PMP22: variants seen among roughly 807,000 people sequenced by gnomAD.
PMP22 encodes Charcot-Marie-Tooth neuropathy 1A (greatly reduced nerve conduction velocity, hereditary motor sensory neuropathy Ia).
PMP22 carries 2 observed loss-of-function variants against 18.9 expected under a neutral mutation model. The observed-to-expected ratio is 0.11, with a 90% CI of 0.04 to 0.33. PMP22 has a LOEUF of 0.33. Among genes scored for constraint, PMP22 ranks in the 10% least tolerant of loss-of-function variants. The pLI is 1.00. For synonymous variants in PMP22, 95 were observed against 89.2 expected (o/e 1.07, Z -0.37); for missense variants, 169 against 202.2 (o/e 0.84, Z 1.00).
At chr17:15,243,371 C>A (rs910135524) in intron 3 of PMP22, among the ~76,000 whole-genome samples, 9 of 151,858 alleles carry the variant, frequency 5.9e-5, no homozygotes, top group African/African-American at 1.9e-4. Context: ...TCTACAAATT[C>A]AATGCTGTCC....
intron 4 of PMP22, among the ~76,000 whole-genome samples, chr17:15,234,217 C>T (rs1044394331): frequency 3.3e-5 from 5 of 152,192 alleles, no homozygotes; most frequent in African/African-American, 1.2e-4. Flanking sequence ...GCATGACCGC[C>T]TGGTGTGTTC....
At chr17:15,264,869 T>A (rs571802218) in intron 1 of PMP22, among the ~76,000 whole-genome samples, 19 of 152,280 alleles carry the variant, frequency 1.2e-4, no homozygotes, top group Admixed American at 1.1e-3. Context: ...ACAGCTATTT[T>A]CCATGGGGGA....
At chr17:15,241,299 G>C (rs1419601378) in intron 3 of PMP22, among the ~76,000 whole-genome samples, 1 of 152,126 alleles carries the variant, frequency 6.6e-6, no homozygotes, top group Non-Finnish European at 1.5e-5. Context: ...GGTTCTTCTG[G>C]AGGAGCACTT....
intron 3 of PMP22, among the ~76,000 whole-genome samples, chr17:15,250,554 G>A (rs758842750): frequency 3.9e-5 from 6 of 151,956 alleles, no homozygotes; most frequent in Non-Finnish European, 8.8e-5. Context: ...ACACCTTCCC[G>A]CAAATCTTCT....
At chr17:15,262,462 T>TG (rs2150713198) in intron 1 of PMP22, 1 of 152,352 alleles carries the variant, frequency 6.6e-6, no homozygotes, top group Admixed American at 6.5e-5. Context: ...ATCCTCAGGG[T>TG]GGCCTCAAAC....
At chr17:15,246,019 CAAAAAAA>C (rs58149809) in intron 3 of PMP22, among the ~76,000 whole-genome samples, 4 of 129,118 alleles carry the variant, frequency 3.1e-5, no homozygotes, top group African/African-American at 1.2e-4. Flanking sequence ...AGACTCGTCT[CAAAAAAA>C]AAAAAAAGAA....
intron 4 of PMP22, among the ~76,000 whole-genome samples, chr17:15,236,396 G>A (rs947524360): frequency 4.3e-4 from 66 of 151,978 alleles, no homozygotes; most frequent in African/African-American, 1.5e-3. Context: ...TCACAGCTGG[G>A]CCCACCAAGA....
chr17:15,240,293 C>T (rs895630258), intron 3 of PMP22, among the ~76,000 whole-genome samples: 3 of 151,802 alleles, frequency 2.0e-5, no homozygotes, highest in South Asian at 2.1e-4. Context: ...GTAAAGATCA[C>T]GGGAATGGCT....
At chr17:15,260,053 G>A (rs1909181099) in intron 2 of PMP22, among the ~76,000 whole-genome samples, 1 of 152,118 alleles carries the variant, frequency 6.6e-6, no homozygotes, top group Non-Finnish European at 1.5e-5. Context: ...CTGAATGTCT[G>A]CTCATCTTCA....
intron 4 of PMP22, among the ~76,000 whole-genome samples, chr17:15,234,801 C>T (rs1906650524): frequency 6.6e-6 from 1 of 151,464 alleles, no homozygotes; most frequent in Non-Finnish European, 1.5e-5. Flanking sequence ...TTAATCCCCC[C>T]CCACCAAATT....
intron 4 of PMP22, among the ~76,000 whole-genome samples, chr17:15,234,242 G>A (rs1339845455): frequency 6.6e-6 from 1 of 152,202 alleles, no homozygotes; most frequent in Non-Finnish European, 1.5e-5. Context: ...AGGCAAGTGG[G>A]AACACAGCGA....
At chr17:15,234,017 G>GGT (rs1271367486) in intron 4 of PMP22, among the ~76,000 whole-genome samples, 6 of 152,192 alleles carry the variant, frequency 3.9e-5, no homozygotes, top group African/African-American at 1.2e-4. Context: ...CTCTGGCCAT[G>GGT]GTGCAGAAAA....
Position 15,240,601 on chromosome 17 carries a change from C to T in PMP22, c.179-990G>A, listed in dbSNP as rs116467015. Reference sequence around the variant, plus strand: ...CCTATGGTTTCTTCAGTTCACCATCCGCTGCAAACTCATGTCATTTCAGGG... The same window carrying T: ...CCTATGGTTTCTTCAGTTCACCATCTGCTGCAAACTCATGTCATTTCAGGG... On this transcript the variant is annotated intron_variant, in intron 3 of 4. Coordinates refer to ENST00000312280, the MANE Select transcript of PMP22 (RefSeq NM_000304.4). Among the ~76,000 whole-genome samples, 782 of 152,056 alleles carry T rather than the reference C, an allele frequency of 5.1e-3. 10 individuals carry two copies. The highest frequency in any genetic ancestry group is 0.018 in the African/African-American group (744 of 41,452).
chr17:15,263,332 G>C (rs1370213184), intron 1 of PMP22, among the ~76,000 whole-genome samples: 2 of 152,172 alleles, frequency 1.3e-5, no homozygotes, highest in Non-Finnish European at 2.9e-5. Flanking sequence ...CATGGGGTTT[G>C]GCGGGCGGGT....
intron 3 of PMP22, among the ~76,000 whole-genome samples, chr17:15,251,083 T>A (rs1261778345): frequency 6.6e-6 from 1 of 152,164 alleles, no homozygotes; most frequent in Non-Finnish European, 1.5e-5. Context: ...CATCCCTCTC[T>A]CCCGCATTCC....
At chr17:15,246,476 T>C (rs966895245) in intron 3 of PMP22, among the ~76,000 whole-genome samples, 1 of 152,240 alleles carries the variant, frequency 6.6e-6, no homozygotes. Context: ...CAGAGAAATA[T>C]AATGCAAGTG....
intron 4 of PMP22, among the ~76,000 whole-genome samples, chr17:15,237,261 T>C (rs904501350): frequency 7.9e-5 from 12 of 152,162 alleles, no homozygotes; most frequent in South Asian, 4.1e-4. Context: ...GTTACATGAG[T>C]GACTTAAGGG....
At chr17:15,255,586 A>G (rs1392746981) in intron 3 of PMP22, among the ~76,000 whole-genome samples, 10 of 152,172 alleles carry the variant, frequency 6.6e-5, no homozygotes, top group Admixed American at 6.5e-4. Context: ...AAAAGAGAGA[A>G]AAATAAATGA....
At chr17:15,241,781 G>C (rs1458860547) in intron 3 of PMP22, among the ~76,000 whole-genome samples, 1 of 152,124 alleles carries the variant, frequency 6.6e-6, no homozygotes, top group Non-Finnish European at 1.5e-5. Flanking sequence ...CAGAATTAGA[G>C]GATCAAGGAC....
Sources: allele counts gnomAD v4.1 joint callset (sites outside exome capture counted in the v4.1 genomes callset), GRCh38; gene constraint gnomAD v4.1.1; transcripts MANE v1.5; gene names NCBI Gene and HGNC (gene_info 2026-07-23, HGNC 2026-07-21).